SYNE1: variants seen among roughly 807,000 people sequenced by gnomAD.
SYNE1 encodes the protein spectrin repeat containing nuclear envelope protein 1.
In SYNE1, 616 loss-of-function variants were observed where a neutral mutation model predicts 1,111.0. The observed-to-expected ratio is 0.55, with a 90% confidence interval of 0.52 to 0.59. SYNE1 has a LOEUF of 0.59. Among genes scored for constraint, SYNE1 ranks in the 20% least tolerant of loss-of-function variants. SYNE1 has a pLI of 0.00. For missense variants in SYNE1, 10,006 were observed against 10,417.0 expected (o/e 0.96, Z 1.72); for synonymous variants, 3,855 against 3,825.8 (o/e 1.01, Z -0.28).
intron 63 of SYNE1, among the ~76,000 whole-genome samples, chr6:152,363,526 TAAATAAATAAATA>T (rs1256120900): frequency 2.7e-5 from 4 of 147,510 alleles, no homozygotes; most frequent in Non-Finnish European, 6.0e-5. Flanking sequence ...AATAAATAAA[TAAATAAATAAATA>T]AATATAAAAA....
In SYNE1 at chr6:152,347,131, A is replaced by C. The variant is rs143529882; in HGVS notation, c.12006T>G (p.Leu4002=). 55 of 1,614,068 alleles carry C rather than the reference A, an allele frequency of 3.4e-5. No individual in the cohort carries two copies. In the African/African-American group the frequency reaches 6.7e-4, roughly 20 times the overall value. ...GQCADHLQAK[L]KQNVHAHLQG... Reference sequence around the variant, plus strand: ...GCAGATGAGCATGCACGTTTTGTTTAAGTTTCGCTTGCAGGTGGTCTGCAC... The same window carrying C: ...GCAGATGAGCATGCACGTTTTGTTTCAGTTTCGCTTGCAGGTGGTCTGCAC... The change falls in exon 73 of 146, where the codon CTT becomes CTG. Residue 4002 remains leucine, a synonymous_variant. Transcript: ENST00000367255.
chr6:152,321,469 C>G, intron 83 of SYNE1, 79 bp from the exon 84 acceptor site: 1 of 1,522,224 alleles, frequency 6.6e-7, no homozygotes, highest in Non-Finnish European at 8.9e-7. Context: ...TATTTTTCAT[C>G]AACATATAAT....
In SYNE1 at chr6:152,493,785, A is replaced by G. The variant is rs540337435; in HGVS notation, c.939+4957T>C. 2.5e-4 allele frequency among the ~76,000 whole-genome samples: 38 copies of G among 152,184 alleles called. No individual in the cohort carries two copies. In the South Asian group the frequency reaches 7.9e-3, roughly 32 times the overall value. ...CTCCCAAACCCCAACCCCTTCTACA[A>G]AGCAACAACTCCTTTCCTTCCTAGG... On this transcript the variant is annotated intron_variant, in intron 11 of 145. Coordinates refer to ENST00000367255, the MANE Select transcript of SYNE1 (RefSeq NM_182961.4).
intron 6 of SYNE1, among the ~76,000 whole-genome samples, chr6:152,519,150 A>G (rs992765807): frequency 6.6e-6 from 1 of 152,200 alleles, no homozygotes; most frequent in Non-Finnish European, 1.5e-5. Flanking sequence ...TAATTTAAAA[A>G]AAGAAAATAA....
rs370711798 is a variant in SYNE1 at position 152,346,734 on chromosome 6, T to C, written c.12078+325A>G. Among the ~76,000 whole-genome samples, 1,012 of 152,036 alleles carry C rather than the reference T, an allele frequency of 6.7e-3. 11 individuals carry two copies. The highest frequency in any genetic ancestry group is 0.029 in the South Asian group (140 of 4,792). On this transcript the variant is annotated intron_variant, in intron 73 of 145. Coordinates refer to ENST00000367255, the MANE Select transcript of SYNE1 (RefSeq NM_182961.4). ...CTGAAGTAGGAGAATGGCGTGAACC[T>C]GGGAGGCGGAGCTTGCAGTGAGCCG... is the stretch of plus-strand genomic sequence containing the variant.
intron 128 of SYNE1, among the ~76,000 whole-genome samples, chr6:152,188,852 G>A (rs550501372): frequency 1.8e-4 from 27 of 149,244 alleles, no homozygotes; most frequent in African/African-American, 6.6e-4. Flanking sequence ...CAGCTACTTG[G>A]GAGGCTGAGG....
rs762743107 is a variant in SYNE1 at position 152,628,263 on chromosome 6, A to G, written c.67+2T>C. The G allele has an allele frequency of 1.2e-6, 2 of 1,613,940 alleles. No individual in the cohort carries two copies. Among genetic ancestry groups the G allele is most frequent in the Admixed American group, 1.7e-5 (1 of 60,000 alleles). ...TTAAAACCTGAAATTTCTTCCCCCTACCTTGCAGCCTCTGCATCACATTGG... is the reference window on the plus strand; with the variant it reads ...TTAAAACCTGAAATTTCTTCCCCCTGCCTTGCAGCCTCTGCATCACATTGG... On this transcript the variant is annotated splice_donor_variant, in intron 3 of 145. Transcript: ENST00000367255. LOFTEE classifies it high-confidence loss of function.
intron 145 of SYNE1, among the ~76,000 whole-genome samples, chr6:152,123,197 A>G (rs540756017): frequency 2.0e-4 from 30 of 152,312 alleles, no homozygotes; most frequent in African/African-American, 6.7e-4. Flanking sequence ...CAGACCCATA[A>G]AAGCTTCATT....
chr6:152,553,944 A>G (rs2099356491), intron 3 of SYNE1, among the ~76,000 whole-genome samples: 2 of 152,096 alleles, frequency 1.3e-5, no homozygotes, highest in African/African-American at 4.8e-5. Flanking sequence ...TCCAAAATGA[A>G]GGCAAGGGGC....
At chr6:152,271,538 C>A (rs754982905) in intron 98 of SYNE1, among the ~76,000 whole-genome samples, 10 of 152,074 alleles carry the variant, frequency 6.6e-5, no homozygotes, top group Non-Finnish European at 1.2e-4. Context: ...CCACCTTCTG[C>A]GGAATTTCTC....
chr6:152,599,191 C>G (rs1297505518), intron 3 of SYNE1, among the ~76,000 whole-genome samples: 5 of 152,172 alleles, frequency 3.3e-5, no homozygotes, highest in Non-Finnish European at 5.9e-5. Context: ...CAAATGATCA[C>G]CAATTTTAAA....
At chr6:152,472,435 A>C (rs1391032603) in intron 14 of SYNE1, 22 bp from the exon 15 acceptor site, 3 of 1,599,720 alleles carry the variant, frequency 1.9e-6, no homozygotes, top group Admixed American at 1.7e-5. Flanking sequence ...TTTAAAAAAA[A>C]ATAAAAAATG....
intron 121 of SYNE1, among the ~76,000 whole-genome samples, chr6:152,216,545 G>A (rs771430736): frequency 7.9e-5 from 12 of 152,216 alleles, no homozygotes; most frequent in East Asian, 5.8e-4. Flanking sequence ...GAAATATCAC[G>A]GGCACAGTGG....
chr6:152,364,317 C>T (rs557921988), intron 63 of SYNE1, among the ~76,000 whole-genome samples: 42 of 152,204 alleles, frequency 2.8e-4, no homozygotes, highest in African/African-American at 8.9e-4. Flanking sequence ...AGAGTGAGAA[C>T]GGGCTAATAC....
At chr6:152,540,056 A>C (rs757370215) in intron 3 of SYNE1, 35 bp from the exon 4 acceptor site, 1 of 1,591,134 alleles carries the variant, frequency 6.3e-7, no homozygotes, top group Non-Finnish European at 8.6e-7. Context: ...AAATAATGTA[A>C]TATTTCATGA....
At chr6:152,607,516 C>G (rs777219720) in intron 3 of SYNE1, among the ~76,000 whole-genome samples, 1 of 151,942 alleles carries the variant, frequency 6.6e-6, no homozygotes, top group African/African-American at 2.4e-5. Context: ...AGTCAGAATG[C>G]TGATTGTTAA....
intron 127 of SYNE1, among the ~76,000 whole-genome samples, chr6:152,198,305 G>A (rs74990586): frequency 6.6e-6 from 1 of 152,136 alleles, no homozygotes; most frequent in Non-Finnish European, 1.5e-5. Context: ...AGAATTAAAG[G>A]GAGTTACGAC....
At chr6:152,128,514 A>T (rs932602760) in intron 145 of SYNE1, 1 of 152,248 alleles carries the variant, frequency 6.6e-6, no homozygotes. Context: ...CACCACCATC[A>T]AATCAAATTG....
chr6:152,353,497 A>C (rs1490900172), intron 68 of SYNE1, 64 bp from the exon 69 acceptor site: 3 of 1,613,500 alleles, frequency 1.9e-6, no homozygotes, highest in Non-Finnish European at 2.5e-6. Context: ...TTTGTTGATG[A>C]ATATGTATCT....
Sources: allele counts gnomAD v4.1 joint callset (sites outside exome capture counted in the v4.1 genomes callset), GRCh38; gene constraint gnomAD v4.1.1; transcripts MANE v1.5; gene names NCBI Gene and HGNC (gene_info 2026-07-23, HGNC 2026-07-21).